NXPE2: variants seen among roughly 807,000 people sequenced by gnomAD.
The protein encoded by NXPE2 is NXPE family member 2.
A neutral mutation model predicts 34.4 loss-of-function variants in NXPE2; 34 were observed. The observed-to-expected ratio is 0.99, with a 90% confidence interval of 0.75 to 1.31. The LOEUF (loss-of-function observed/expected upper bound fraction) is 1.31, where lower values mean the gene tolerates loss of function less well. Ranked by LOEUF, NXPE2 falls within the 40% of genes most tolerant of loss-of-function variation. The pLI is 0.00. For synonymous variants in NXPE2, 235 were observed against 231.3 expected (o/e 1.02, Z -0.15); for missense variants, 649 against 672.5 (o/e 0.97, Z 0.39).
chr11:114,663,567 A>G, the NXPE2 span, among the ~76,000 whole-genome samples: 1 of 150,934 alleles, frequency 6.6e-6, no homozygotes, highest in African/African-American at 2.5e-5. Flanking sequence ...GTCTATCTCT[A>G]TCTATCATCT....
chr11:114,723,916 A>C, the NXPE2 span, among the ~76,000 whole-genome samples: 40 of 152,286 alleles, frequency 2.6e-4, no homozygotes, highest in Admixed American at 9.2e-4. Context: ...TGTGCACAGA[A>C]CCGAACCCTC....
At chr11:114,483,260 C>A in the NXPE2 span, among the ~76,000 whole-genome samples, 1 of 151,960 alleles carries the variant, frequency 6.6e-6, no homozygotes, top group Non-Finnish European at 1.5e-5. Context: ...GCTGGTTGGG[C>A]TACTCATTTG....
the NXPE2 span, among the ~76,000 whole-genome samples, chr11:114,805,204 T>C: frequency 2.0e-5 from 3 of 150,642 alleles, no homozygotes; most frequent in Admixed American, 6.6e-5. Flanking sequence ...TTTTTTTTTT[T>C]TAAAAAAGGT....
the NXPE2 span, among the ~76,000 whole-genome samples, chr11:114,607,985 C>T: frequency 1.2e-4 from 18 of 151,600 alleles, no homozygotes; most frequent in African/African-American, 1.2e-4. Context: ...CGTGAGTCAC[C>T]GCTGCTACCT....
At chr11:114,530,407 C>G in the NXPE2 span, 1 of 1,614,210 alleles carries the variant, frequency 6.2e-7, no homozygotes. Context: ...ATAATTTTAT[C>G]ATAGCCTTGG....
rs546548163 is a variant in NXPE2 at position 114,695,156 on chromosome 11, T to C, written c.133-2889T>C. Among the ~76,000 whole-genome samples the C allele has an allele frequency of 1.8e-4, 27 of 152,310 alleles. No individual in the cohort carries two copies. In the East Asian group the frequency reaches 5.2e-3, roughly 29 times the overall value. On this transcript the variant is annotated intron_variant, in intron 2 of 5. Coordinates refer to ENST00000389586, the MANE Select transcript of NXPE2 (RefSeq NM_182495.6). ...AGGCTACAATTTCCTCCAGTGTCCATGTTTATGTGTCTCCTAGAGACTTCA... is the reference window on the plus strand; with the variant it reads ...AGGCTACAATTTCCTCCAGTGTCCACGTTTATGTGTCTCCTAGAGACTTCA...
the NXPE2 span, among the ~76,000 whole-genome samples, chr11:114,540,014 A>T: frequency 3.9e-5 from 6 of 152,336 alleles, no homozygotes; most frequent in African/African-American, 1.4e-4. Flanking sequence ...TAATTTCCTT[A>T]TGACCTCACA....
chr11:114,519,788 T>A, the NXPE2 span, among the ~76,000 whole-genome samples: 2 of 152,282 alleles, frequency 1.3e-5, no homozygotes, highest in South Asian at 2.1e-4. Flanking sequence ...TTTTATTGCA[T>A]ACATTTAAGG....
the NXPE2 span, among the ~76,000 whole-genome samples, chr11:114,477,356 A>G: frequency 1.3e-5 from 2 of 152,232 alleles, no homozygotes; most frequent in Non-Finnish European, 2.9e-5. Flanking sequence ...TTAGATATTT[A>G]ATGCCCTCAC....
the NXPE2 span, among the ~76,000 whole-genome samples, chr11:114,532,512 C>T: frequency 1.3e-5 from 2 of 151,848 alleles, no homozygotes; most frequent in Non-Finnish European, 2.9e-5. Context: ...CTATTTTTCC[C>T]ACCTCCACAA....
chr11:114,598,080 A>C, the NXPE2 span, among the ~76,000 whole-genome samples: 1 of 152,170 alleles, frequency 6.6e-6, no homozygotes, highest in Non-Finnish European at 1.5e-5. Context: ...GCATTGGGTA[A>C]ATGTAAAAAA....
At chr11:114,584,302 A>G in the NXPE2 span, 1 of 512,142 alleles carries the variant, frequency 2.0e-6, no homozygotes, top group Non-Finnish European at 4.0e-6. Flanking sequence ...TCCTTCCAAT[A>G]TGACTAACCA....
chr11:114,611,303 G>A, the NXPE2 span, among the ~76,000 whole-genome samples: 3 of 151,524 alleles, frequency 2.0e-5, no homozygotes, highest in Non-Finnish European at 4.4e-5. Flanking sequence ...TGCCTCATGG[G>A]TAATCACTGT....
the NXPE2 span, among the ~76,000 whole-genome samples, chr11:114,630,226 G>A: frequency 6.6e-6 from 1 of 151,740 alleles, no homozygotes; most frequent in East Asian, 1.9e-4. Context: ...TCAATCCTGA[G>A]TCAAAAGAAC....
intron 2 of NXPE2, among the ~76,000 whole-genome samples, chr11:114,680,986 T>G (rs1950941055): frequency 6.6e-6 from 1 of 152,062 alleles, no homozygotes; most frequent in Non-Finnish European, 1.5e-5. Context: ...TGGAAACAAA[T>G]TCTCTACTTT....
At chr11:114,636,398 C>T in the NXPE2 span, among the ~76,000 whole-genome samples, 2 of 151,880 alleles carry the variant, frequency 1.3e-5, no homozygotes, top group African/African-American at 4.8e-5. Flanking sequence ...TTTTGTTGAT[C>T]CTTTCAAAAA....
At chr11:114,655,609 A>G in the NXPE2 span, among the ~76,000 whole-genome samples, 1 of 152,084 alleles carries the variant, frequency 6.6e-6, no homozygotes, top group Non-Finnish European at 1.5e-5. Context: ...TGTTTTTGTC[A>G]GGTTTGAGGA....
At chr11:114,546,074 A>T in the NXPE2 span, among the ~76,000 whole-genome samples, 1 of 152,206 alleles carries the variant, frequency 6.6e-6, no homozygotes, top group Admixed American at 6.5e-5. Context: ...TAACTGTATT[A>T]CAAATTTAAC....
chr11:114,609,836 G>A, the NXPE2 span, among the ~76,000 whole-genome samples: 10 of 151,380 alleles, frequency 6.6e-5, no homozygotes, highest in South Asian at 2.1e-4. Context: ...ATGGTAACCC[G>A]ATGGATAATA....
Sources: allele counts gnomAD v4.1 joint callset (sites outside exome capture counted in the v4.1 genomes callset), GRCh38; gene constraint gnomAD v4.1.1; transcripts MANE v1.5; gene names NCBI Gene and HGNC (gene_info 2026-07-23, HGNC 2026-07-21).